Variants in ZNF423 observed in about 807,000 individuals in gnomAD.
The protein encoded by ZNF423 is zinc finger protein 423, also known as Ebf-associated zinc finger protein.
ZNF423 carries 12 observed loss-of-function variants against 95.8 expected under a neutral mutation model. The ratio of observed to expected loss-of-function variants is 0.13; its 90% CI spans 0.08 to 0.20. The LOEUF is 0.20. Among genes scored for constraint, ZNF423 ranks in the 10% least tolerant of loss-of-function variants. The pLI, the probability that ZNF423 is intolerant of heterozygous loss-of-function variation, is 1.00. For missense variants in ZNF423, 1,316 were observed against 1,737.1 expected (o/e 0.76, Z 4.31); for synonymous variants, 749 against 711.9 (o/e 1.05, Z -0.83).
At chr16:49,627,450 T>C (rs1445167092) in intron 4 of ZNF423, among the ~76,000 whole-genome samples, 2 of 133,956 alleles carry the variant, frequency 1.5e-5, no homozygotes, top group Non-Finnish European at 3.2e-5. Context: ...TCCATCTACA[T>C]ATATACCCAC....
chr16:49,620,915 T>C (rs1049520221), intron 5 of ZNF423, among the ~76,000 whole-genome samples: 1 of 152,116 alleles, frequency 6.6e-6, no homozygotes, highest in Admixed American at 6.5e-5. Context: ...TGTACATACA[T>C]TATACATATA....
intron 1 of ZNF423, among the ~76,000 whole-genome samples, chr16:49,801,554 C>G (rs1056817653): frequency 6.6e-6 from 1 of 152,158 alleles, no homozygotes; most frequent in African/African-American, 2.4e-5. Context: ...ATGTGCACTT[C>G]GGTTGCACAA....
rs966964271 is a variant in ZNF423 at position 49,855,377 on chromosome 16, C to T, written c.40+358G>A. Among the ~76,000 whole-genome samples the T allele has an allele frequency of 6.6e-5, 10 of 150,446 alleles. No individual in the cohort carries two copies. The highest frequency in any genetic ancestry group is 1.3e-4 in the Non-Finnish European group (9 of 67,418). On this transcript the variant is annotated intron_variant, in intron 1 of 7. Coordinates refer to ENST00000563137, the MANE Select transcript of ZNF423 (RefSeq NM_001379286.1). This position sits in a 1 kb window ranked among gnomAD's most constrained non-coding sequence, Gnocchi z 4.7. ...ATCCCCGCCAAGTCGGGCCAGCACC[C>T]CTTGATTGGCCACACGGGCCCGGGC...
chr16:49,711,554 G>A (rs1352065212), intron 3 of ZNF423: 1 of 152,146 alleles, frequency 6.6e-6, no homozygotes, highest in East Asian at 1.9e-4. Flanking sequence ...AAGACACCGT[G>A]GATGGTAAAA....
intron 3 of ZNF423, among the ~76,000 whole-genome samples, chr16:49,714,149 G>C (rs1596904821): frequency 6.6e-6 from 1 of 152,140 alleles, no homozygotes; most frequent in Non-Finnish European, 1.5e-5. Flanking sequence ...CCCTGCAGAC[G>C]GCTCATTCTC....
chr16:49,697,697 G>A (rs959702015), intron 3 of ZNF423, among the ~76,000 whole-genome samples: 1 of 152,254 alleles, frequency 6.6e-6, no homozygotes, highest in African/African-American at 2.4e-5. Context: ...ACCGTGCAGT[G>A]GGATGGGCAG....
intron 1 of ZNF423, among the ~76,000 whole-genome samples, chr16:49,845,540 TTTTGG>T (rs1176514606): frequency 2.0e-5 from 3 of 150,472 alleles, no homozygotes; most frequent in African/African-American, 4.9e-5. Context: ...TTTTGTTTTG[TTTTGG>T]TTTGTTTTGT....
intron 6 of ZNF423, 116 bp downstream of exon 6, chr16:49,525,247 G>T: frequency 2.7e-6 from 4 of 1,475,288 alleles, no homozygotes; most frequent in South Asian, 1.3e-5. Context: ...CGGAGTCCTG[G>T]TCTATAACAG....
intron 3 of ZNF423, among the ~76,000 whole-genome samples, chr16:49,650,313 C>T (rs1443034240): frequency 1.3e-5 from 2 of 152,156 alleles, no homozygotes; most frequent in Admixed American, 6.5e-5. Flanking sequence ...GCTGTGAGAC[C>T]ATGGGAAAAT....
Position 49,584,341 on chromosome 16 carries a change from A to G in ZNF423, c.3601+41829T>C, listed in dbSNP as rs1050358763. 4.6e-5 allele frequency among the ~76,000 whole-genome samples: 7 copies of G among 152,280 alleles called. No individual in the cohort carries two copies. In the South Asian group the frequency reaches 1.2e-3, roughly 27 times the overall value. On this transcript the variant is annotated intron_variant, in intron 5 of 7. Transcript: ENST00000563137. ...TGTGGAATGAATTGGAGTGGCTGCTATCTACTGCCTACGCTTAGGGCATCC... is the reference window on the plus strand; with the variant it reads ...TGTGGAATGAATTGGAGTGGCTGCTGTCTACTGCCTACGCTTAGGGCATCC...
At chr16:49,760,095 G>A in intron 2 of ZNF423, among the ~76,000 whole-genome samples, 1 of 127,568 alleles carries the variant, frequency 7.8e-6, no homozygotes, top group African/African-American at 2.9e-5. Context: ...ATGGGTGGAT[G>A]GATTGATGAA....
At chr16:49,797,236 T>C (rs1043561628) in intron 1 of ZNF423, among the ~76,000 whole-genome samples, 55 of 152,052 alleles carry the variant, frequency 3.6e-4, no homozygotes, top group African/African-American at 1.2e-3. Flanking sequence ...TGGAAAAGCA[T>C]AGACCAGGCA....
chr16:49,844,989 C>T (rs143200645), intron 1 of ZNF423, among the ~76,000 whole-genome samples: 129 of 127,426 alleles, frequency 1.0e-3, no homozygotes, highest in African/African-American at 3.5e-3. Context: ...GAGCAGAGTT[C>T]GCGCCATTGC....
At chr16:49,620,640 C>A (rs1421814841) in intron 5 of ZNF423, among the ~76,000 whole-genome samples, 2 of 152,156 alleles carry the variant, frequency 1.3e-5, no homozygotes, top group Admixed American at 6.5e-5. Context: ...CTTCCCAGCC[C>A]TGACCCTCCC....
At chr16:49,515,081 T>C (rs1196648747) in intron 7 of ZNF423, among the ~76,000 whole-genome samples, 4 of 152,256 alleles carry the variant, frequency 2.6e-5, no homozygotes, top group African/African-American at 9.6e-5. Flanking sequence ...GAAGTCCCTA[T>C]CTCCGTGACG....
intron 3 of ZNF423, among the ~76,000 whole-genome samples, chr16:49,641,837 G>A (rs779096442): frequency 2.0e-5 from 3 of 152,216 alleles, no homozygotes; most frequent in Non-Finnish European, 4.4e-5. Context: ...GCAGCTGTCC[G>A]AGGCTGGAGA....
rs1282326593 is a variant in ZNF423 at position 49,802,015 on chromosome 16, G to T, written c.41-12469C>A. Among the ~76,000 whole-genome samples the T allele has an allele frequency of 3.9e-5, 6 of 152,080 alleles. No individual in the cohort carries two copies. The East Asian group carries it at 1.2e-3, about 29-fold the overall frequency. On this transcript the variant is annotated intron_variant, in intron 1 of 7. Transcript: ENST00000563137. Reference sequence around the variant, plus strand: ...AGGAACATGCCATTATACCCAGTCAGTTAATTTTTAATTTTTTTCAGATGC... The same window carrying T: ...AGGAACATGCCATTATACCCAGTCATTTAATTTTTAATTTTTTTCAGATGC...
At chr16:49,592,745 T>C (rs972999976) in intron 5 of ZNF423, among the ~76,000 whole-genome samples, 5 of 152,234 alleles carry the variant, frequency 3.3e-5, no homozygotes, top group African/African-American at 1.2e-4. Context: ...CAAAGGTGTG[T>C]GATGCCCCCA....
chr16:49,744,064 C>T (rs2033470752), intron 2 of ZNF423, among the ~76,000 whole-genome samples: 1 of 152,118 alleles, frequency 6.6e-6, no homozygotes. Flanking sequence ...ATGCAAGCAG[C>T]TGGCTCCTCC....
Sources: allele counts gnomAD v4.1 joint callset (sites outside exome capture counted in the v4.1 genomes callset), GRCh38; gene constraint gnomAD v4.1.1; non-coding constraint Gnocchi (gnomAD v3.1); transcripts MANE v1.5; gene names NCBI Gene and HGNC (gene_info 2026-07-23, HGNC 2026-07-21).